The following SPAG16 variants were observed in gnomAD, a reference collection of about 807,000 sequenced individuals.
SPAG16 encodes sperm associated antigen 16, also known as sperm-associated antigen 16 protein.
Under a neutral mutation model 80.4 loss-of-function variants are expected in SPAG16, and 86 were observed. That is an observed-to-expected ratio of 1.07 (90% confidence interval 0.90 to 1.28). The LOEUF (loss-of-function observed/expected upper bound fraction) is 1.28. Ranked by LOEUF, SPAG16 falls within the 50% of genes most tolerant of loss-of-function variation. SPAG16 has a pLI of 0.00. For missense variants in SPAG16, 870 were observed against 765.3 expected (o/e 1.14, Z -1.61); for synonymous variants, 294 against 265.9 (o/e 1.11, Z -1.03).
chr2:213,420,530 A>G lies in SPAG16; in HGVS notation c.942+45411A>G, dbSNP rs142019280. On this transcript the variant is annotated intron_variant, in intron 9 of 15. Transcript: ENST00000331683. The stretch of plus-strand genomic sequence containing the variant: ...TCTGAAAGTCAAAGGCCAAGAAAAT[A>G]TTTTAGAATTTGCACAGCAGTGAAG... 6.6e-5 allele frequency among the ~76,000 whole-genome samples: 10 copies of G among 152,368 alleles called. No individual in the cohort carries two copies. In the East Asian group the frequency reaches 1.9e-3, roughly 29 times the overall value.
intron 15 of SPAG16, among the ~76,000 whole-genome samples, chr2:214,162,437 G>GT (rs1559095212): frequency 6.6e-6 from 1 of 152,072 alleles, no homozygotes; most frequent in Admixed American, 6.6e-5. Flanking sequence ...AAGTTTCATG[G>GT]TAATAGGTGG....
At chr2:214,353,672 A>G (rs903511566) in intron 15 of SPAG16, among the ~76,000 whole-genome samples, 2 of 152,182 alleles carry the variant, frequency 1.3e-5, no homozygotes, top group African/African-American at 4.8e-5. Context: ...TTGCATAAAG[A>G]TATGATTCCT....
intron 10 of SPAG16, among the ~76,000 whole-genome samples, chr2:213,754,698 A>G (rs1033756750): frequency 1.3e-5 from 2 of 152,260 alleles, no homozygotes; most frequent in African/African-American, 4.8e-5. Flanking sequence ...AATAAAATTA[A>G]TGTATCACAG....
intron 12 of SPAG16, among the ~76,000 whole-genome samples, chr2:213,956,708 C>T (rs2044160399): frequency 6.6e-6 from 1 of 152,078 alleles, no homozygotes; most frequent in South Asian, 2.1e-4. Flanking sequence ...ACCTTGGCCT[C>T]CCAAATTGCT....
chr2:213,778,897 C>T (rs571771530), intron 10 of SPAG16, among the ~76,000 whole-genome samples: 26 of 152,254 alleles, frequency 1.7e-4, no homozygotes, highest in African/African-American at 4.8e-4. Context: ...TAATTATTTA[C>T]GTTTTCTTCA....
intron 7 of SPAG16, among the ~76,000 whole-genome samples, chr2:213,360,565 A>G (rs1199193731): frequency 1.3e-5 from 2 of 152,224 alleles, no homozygotes; most frequent in Non-Finnish European, 2.9e-5. Context: ...CACTTAAAGA[A>G]TGGAAACTGT....
chr2:213,770,406 C>A (rs188833802), intron 10 of SPAG16, among the ~76,000 whole-genome samples: 182 of 152,156 alleles, frequency 1.2e-3, no homozygotes, highest in African/African-American at 4.2e-3. Context: ...CATGCCTTTT[C>A]ATTTTCATCT....
chr2:213,367,132 G>A (rs558154658), intron 8 of SPAG16, among the ~76,000 whole-genome samples: 4 of 152,150 alleles, frequency 2.6e-5, no homozygotes, highest in African/African-American at 9.6e-5. Context: ...CTTTTTTATG[G>A]TTGCATAGTA....
chr2:214,107,409 C>T (rs1431852506), intron 13 of SPAG16, among the ~76,000 whole-genome samples: 3 of 152,080 alleles, frequency 2.0e-5, no homozygotes, highest in Non-Finnish European at 2.9e-5. Context: ...AGCAATAGTC[C>T]ACATATGACT....
At chr2:213,319,366 T>A (rs1460672419) in intron 5 of SPAG16, among the ~76,000 whole-genome samples, 1 of 151,966 alleles carries the variant, frequency 6.6e-6, no homozygotes, top group Non-Finnish European at 1.5e-5. Flanking sequence ...TATTCAAGTA[T>A]TATCTGTACT....
chr2:213,542,911 A>C (rs1322585793), intron 10 of SPAG16, among the ~76,000 whole-genome samples: 1 of 152,136 alleles, frequency 6.6e-6, no homozygotes, highest in Non-Finnish European at 1.5e-5. Context: ...TGGAATAAAA[A>C]ACAGAAATGA....
At chr2:213,717,617 T>C (rs1392523976) in intron 10 of SPAG16, among the ~76,000 whole-genome samples, 1 of 152,088 alleles carries the variant, frequency 6.6e-6, no homozygotes, top group East Asian at 1.9e-4. Context: ...GCAGTAAAGA[T>C]AAACAGGAAG....
chr2:214,047,353 C>A (rs2049385015), intron 13 of SPAG16, among the ~76,000 whole-genome samples: 1 of 152,016 alleles, frequency 6.6e-6, no homozygotes, highest in Non-Finnish European at 1.5e-5. Context: ...GTACATAGAC[C>A]AATGGAACAG....
At chr2:213,763,843 A>T (rs1462859281) in intron 10 of SPAG16, among the ~76,000 whole-genome samples, 4 of 152,226 alleles carry the variant, frequency 2.6e-5, no homozygotes, top group African/African-American at 9.6e-5. Context: ...ACTTAAGCTC[A>T]TTGACTATTT....
chr2:213,670,084 G>T (rs1041225101), intron 10 of SPAG16, among the ~76,000 whole-genome samples: 1 of 151,314 alleles, frequency 6.6e-6, no homozygotes, highest in African/African-American at 2.4e-5. Context: ...TGCAAACTCT[G>T]CCTCCGGGGT....
At chr2:214,044,749 G>A (rs1352650224) in intron 13 of SPAG16, among the ~76,000 whole-genome samples, 4 of 152,172 alleles carry the variant, frequency 2.6e-5, no homozygotes, top group Admixed American at 2.6e-4. Context: ...CAACAATTGT[G>A]AGGCATTGCA....
intron 12 of SPAG16, among the ~76,000 whole-genome samples, chr2:213,945,937 G>A (rs1011414808): frequency 6.6e-6 from 1 of 152,058 alleles, no homozygotes; most frequent in African/African-American, 2.4e-5. Flanking sequence ...TTAGCCCTTT[G>A]TTTCTCTTAT....
At chr2:213,546,463 G>T (rs925665566) in intron 10 of SPAG16, among the ~76,000 whole-genome samples, 3 of 152,040 alleles carry the variant, frequency 2.0e-5, no homozygotes, top group African/African-American at 7.2e-5. Context: ...AACACAGAAA[G>T]AATTTCATAA....
intron 9 of SPAG16, among the ~76,000 whole-genome samples, chr2:213,449,116 A>C (rs1410598557): frequency 6.6e-6 from 1 of 152,078 alleles, no homozygotes; most frequent in Non-Finnish European, 1.5e-5. Flanking sequence ...CGCTCTGGGA[A>C]TGTGTGTCTT....
Sources: allele counts gnomAD v4.1 joint callset (sites outside exome capture counted in the v4.1 genomes callset), GRCh38; gene constraint gnomAD v4.1.1; transcripts MANE v1.5; gene names NCBI Gene and HGNC (gene_info 2026-07-23, HGNC 2026-07-21).